CASZ1: variants seen among roughly 807,000 people sequenced by gnomAD.
CASZ1 encodes the protein castor zinc finger 1.
CASZ1 carries 28 observed loss-of-function variants against 135.2 expected under a neutral mutation model. That is an observed-to-expected ratio of 0.21 (90% CI 0.15 to 0.28). CASZ1 has a LOEUF of 0.28. CASZ1 is among the 10% of genes least tolerant of loss of function. The pLI is 1.00. For missense variants in CASZ1, 2,161 were observed against 2,453.3 expected (o/e 0.88, Z 2.52); for synonymous variants, 1,068 against 1,073.4 (o/e 0.99, Z 0.10).
chr1:10,682,956 A>G (rs560754388), intron 4 of CASZ1, among the ~76,000 whole-genome samples: 13 of 152,204 alleles, frequency 8.5e-5, no homozygotes, highest in South Asian at 2.1e-4. Context: ...CTGCCTGTCC[A>G]TTCTAGCTAT....
In CASZ1 at chr1:10,794,251, G is replaced by C. The variant is rs1292101765; in HGVS notation, c.-234+2313C>G. On this transcript the variant is annotated intron_variant, in intron 1 of 20. Transcript: ENST00000377022. The surrounding 1 kb of genome is among the most constrained non-coding windows in gnomAD (Gnocchi z 5.6). The stretch of plus-strand genomic sequence containing the variant: ...CGGGGGGACACCAAGATTATCCGGC[G>C]ATCTGTTTTCCAGTCCCCTCGTGCG... 6.6e-6 allele frequency among the ~76,000 whole-genome samples: 1 copy of C among 152,036 alleles called. No homozygotes were observed. Among genetic ancestry groups the C allele is most frequent in the African/African-American group, 2.4e-5 (1 of 41,394 alleles).
rs1570389469 is a variant in CASZ1 at position 10,639,269 on chromosome 1, C to G, written c.4953G>C (p.Pro1651=). Residue 1651 remains proline, a synonymous_variant, in exon 21 of 21, where the codon CCG becomes CCC. Transcript: ENST00000377022. This position sits in a 1 kb window ranked among gnomAD's most constrained non-coding sequence, Gnocchi z 4.0. ...LALGDAGDPG[P]PDAAAPGPRE... is the part of the protein sequence containing the mutation. ...GCGGCCCGGGGGCGGCGGCGTCGGG[C>G]GGGCCGGGGTCGCCCGCGTCGCCCA... The G allele has an allele frequency of 4.9e-6, 5 of 1,016,228 alleles. No homozygotes were observed. The East Asian group carries it at 3.5e-4, about 70-fold the overall frequency. 63.0% of individuals were successfully genotyped at this position (1,016,228 alleles called of 1,614,324 possible).
intron 4 of CASZ1, among the ~76,000 whole-genome samples, chr1:10,684,129 T>C (rs982466555): frequency 4.0e-5 from 6 of 151,452 alleles, no homozygotes; most frequent in Non-Finnish European, 7.4e-5. Flanking sequence ...AGAGATGATA[T>C]GTTAGGTGTG....
intron 1 of CASZ1, among the ~76,000 whole-genome samples, chr1:10,789,542 C>A (rs1295168222): frequency 6.6e-6 from 1 of 151,912 alleles, no homozygotes; most frequent in Admixed American, 6.6e-5. Context: ...CTCTCTCTCT[C>A]TATCCTCCTC....
intron 3 of CASZ1, among the ~76,000 whole-genome samples, chr1:10,696,289 T>C (rs1354214792): frequency 6.6e-6 from 1 of 152,188 alleles, no homozygotes; most frequent in African/African-American, 2.4e-5. Context: ...CACAGCCTCA[T>C]TGGCTCTGTG....
At chr1:10,704,120 G>A (rs1320974015) in intron 3 of CASZ1, 1 of 152,296 alleles carries the variant, frequency 6.6e-6, no homozygotes, top group Non-Finnish European at 1.5e-5. Flanking sequence ...CACGGCGTGG[G>A]AAGCCAATAT....
rs116012313 is a variant in CASZ1 at position 10,743,984 on chromosome 1, G to A, written c.-77+16717C>T. 3.2e-3 allele frequency among the ~76,000 whole-genome samples: 481 copies of A among 152,198 alleles called. 2 individuals carry two copies. Among genetic ancestry groups the A allele is most frequent in the Non-Finnish European group, 5.9e-3 (404 of 68,006 alleles). On this transcript the variant is annotated intron_variant, in intron 2 of 20. Coordinates refer to ENST00000377022, the MANE Select transcript of CASZ1 (RefSeq NM_001079843.3). Reference sequence around the variant, plus strand: ...GCCTCAGGGGACACCCAACTATCTAGCATATTGCTGTTAAAATGTCTGCAA... The same window carrying A: ...GCCTCAGGGGACACCCAACTATCTAACATATTGCTGTTAAAATGTCTGCAA...
At chr1:10,795,799 G>A (rs1641056401) in intron 1 of CASZ1, among the ~76,000 whole-genome samples, 1 of 151,994 alleles carries the variant, frequency 6.6e-6, no homozygotes, top group Admixed American at 6.5e-5. Context: ...GATGAAAAAG[G>A]GGGCGCCGCT....
intron 4 of CASZ1, among the ~76,000 whole-genome samples, chr1:10,668,919 C>T (rs1643318659): frequency 6.6e-6 from 1 of 152,242 alleles, no homozygotes; most frequent in Non-Finnish European, 1.5e-5. Context: ...CCTTACCTGG[C>T]CTGGAAGAGG....
intron 1 of CASZ1, among the ~76,000 whole-genome samples, chr1:10,768,747 C>T (rs532068656): frequency 6.6e-6 from 1 of 152,298 alleles, no homozygotes; most frequent in Admixed American, 6.5e-5. Context: ...TCCATCACTG[C>T]CTGGCACCAA....
At chr1:10,780,344 T>G (rs983679662) in intron 1 of CASZ1, among the ~76,000 whole-genome samples, 4 of 152,174 alleles carry the variant, frequency 2.6e-5, no homozygotes, top group Non-Finnish European at 4.4e-5. Context: ...GAGAGAACAC[T>G]GGGGTCTCGC....
chr1:10,739,131 G>A lies in CASZ1; in HGVS notation c.-77+21570C>T, dbSNP rs948296005. Among the ~76,000 whole-genome samples the A allele has an allele frequency of 2.6e-5, 4 of 152,038 alleles. No individual in the cohort carries two copies. Among genetic ancestry groups the A allele is most frequent in the East Asian group, 1.9e-4 (1 of 5,186 alleles). ...AAGGAAAAAAAGCAACAACAATAAC[G>A]AGAAACAAGTCACCCAGGCATCTTG... On this transcript the variant is annotated intron_variant, in intron 2 of 20. Coordinates refer to ENST00000377022, the MANE Select transcript of CASZ1 (RefSeq NM_001079843.3). The surrounding 1 kb of genome is among the most constrained non-coding windows in gnomAD (Gnocchi z 4.8).
chr1:10,661,654 G>A lies in CASZ1; in HGVS notation c.506-1118C>T, dbSNP rs573399186. ...CACATGCATTCTCAAACACACACACGGTCACATTCACACGATCACATACAA... is the reference window on the plus strand; with the variant it reads ...CACATGCATTCTCAAACACACACACAGTCACATTCACACGATCACATACAA... On this transcript the variant is annotated intron_variant, in intron 5 of 20. Transcript: ENST00000377022. Among the ~76,000 whole-genome samples the A allele has an allele frequency of 2.5e-3, 322 of 127,800 alleles. 2 individuals carry two copies. The highest frequency in any genetic ancestry group is 9.2e-3 in the African/African-American group (302 of 32,918). The allele number at this position is 127,800 out of a possible 152,430, so 83.8% of individuals were successfully genotyped here. A position where few individuals can be genotyped will look rare whatever the true frequency, so the allele number is the denominator to read the frequency against.
intron 2 of CASZ1, among the ~76,000 whole-genome samples, chr1:10,708,113 AG>A (rs1435265887): frequency 6.6e-6 from 1 of 152,226 alleles, no homozygotes; most frequent in Non-Finnish European, 1.5e-5. Context: ...GAGGACCCAA[AG>A]GTTCAGAGTT....
intron 9 of CASZ1, 80 bp downstream of exon 9, chr1:10,655,569 C>G: frequency 7.2e-7 from 1 of 1,386,016 alleles, no homozygotes; most frequent in Non-Finnish European, 9.9e-7. Context: ...GCAGCCCTGC[C>G]TCTGGGAGTG....
Position 10,639,390 on chromosome 1 carries a change from C to T in CASZ1, c.4832G>A (p.Gly1611Glu), listed in dbSNP as rs1182045535. Residue 1611 changes from glycine to glutamate, a missense_variant, in exon 21 of 21, where the codon GGG (glycine) becomes GAG (glutamate). Physicochemically the swap from Gly to Glu is moderately conservative, Grantham distance 98 (BLOSUM62 -2). Transcript: ENST00000377022. The surrounding 1 kb of genome is among the most constrained non-coding windows in gnomAD (Gnocchi z 4.0). ...GEPAAEGPAP[G>E]PPISLDGSLS... ...GGAGCCGTCCAGACTGATGGGAGGCCCGGGCGCGGGGCCCTCTGCCGCGGG... is the reference window on the plus strand; with the variant it reads ...GGAGCCGTCCAGACTGATGGGAGGCTCGGGCGCGGGGCCCTCTGCCGCGGG... The T allele has an allele frequency of 6.5e-7, 1 of 1,544,644 alleles. No homozygotes were observed. Among genetic ancestry groups the T allele is most frequent in the African/African-American group, 1.4e-5 (1 of 72,850 alleles).
intron 7 of CASZ1, 47 bp from the exon 8 acceptor site, chr1:10,656,783 C>T (rs756991397): frequency 9.9e-7 from 1 of 1,015,114 alleles, no homozygotes; most frequent in Non-Finnish European, 1.5e-6. Context: ...GGGTGACAGT[C>T]CCAGCCCCAG....
At chr1:10,660,818 A>C (rs966534995) in intron 5 of CASZ1, 2 of 482,076 alleles carry the variant, frequency 4.1e-6, no homozygotes, top group African/African-American at 3.9e-5. Context: ...CAGTACATTA[A>C]ACAAAGTTTC....
chr1:10,690,990 C>T (rs1476583238), intron 4 of CASZ1, among the ~76,000 whole-genome samples: 1 of 152,084 alleles, frequency 6.6e-6, no homozygotes, highest in Non-Finnish European at 1.5e-5. Context: ...AGCTTCCTCC[C>T]ATCTCCCCTC....
Sources: allele counts gnomAD v4.1 joint callset (sites outside exome capture counted in the v4.1 genomes callset), GRCh38; gene constraint gnomAD v4.1.1; non-coding constraint Gnocchi (gnomAD v3.1); transcripts MANE v1.5; gene names NCBI Gene and HGNC (gene_info 2026-07-23, HGNC 2026-07-21).